SOX5: variants seen among roughly 807,000 people sequenced by gnomAD.
The protein encoded by SOX5 is SRY-box transcription factor 5, also known as transcription factor SOX-5.
Under a neutral mutation model 92.0 loss-of-function variants are expected in SOX5, and 9 were observed. The observed-to-expected ratio is 0.10, with a 90% CI of 0.06 to 0.17. The LOEUF is 0.17. Among genes scored for constraint, SOX5 ranks in the 10% least tolerant of loss-of-function variants. SOX5 has a pLI of 1.00. For missense variants in SOX5, 642 were observed against 944.5 expected (o/e 0.68, Z 4.20); for synonymous variants, 344 against 336.3 (o/e 1.02, Z -0.25).
At chr12:24,297,572 C>A (rs550846667) in intron 2 of SOX5, among the ~76,000 whole-genome samples, 13 of 152,350 alleles carry the variant, frequency 8.5e-5, no homozygotes, top group Admixed American at 3.3e-4. Flanking sequence ...TGAACAGATC[C>A]TCCATAGCTG....
chr12:23,901,108 G>C (rs906726634), intron 1 of SOX5, among the ~76,000 whole-genome samples: 3 of 152,142 alleles, frequency 2.0e-5, no homozygotes, highest in African/African-American at 7.2e-5. Context: ...AGATTATTCT[G>C]AATATTGTTG....
chr12:24,201,446 C>A (rs963799520), intron 4 of SOX5, among the ~76,000 whole-genome samples: 1 of 152,124 alleles, frequency 6.6e-6, no homozygotes, highest in Non-Finnish European at 1.5e-5. Flanking sequence ...CAAATGAATA[C>A]CCTGGTCTAC....
chr12:24,205,582 G>T (rs1399851311), intron 4 of SOX5, among the ~76,000 whole-genome samples: 1 of 152,172 alleles, frequency 6.6e-6, no homozygotes, highest in Non-Finnish European at 1.5e-5. Flanking sequence ...GAGAGAAATA[G>T]GAACCTTCCT....
chr12:23,592,149 G>A (rs1023668684), intron 9 of SOX5, among the ~76,000 whole-genome samples: 11 of 152,100 alleles, frequency 7.2e-5, no homozygotes, highest in African/African-American at 2.4e-4. Context: ...ATAATTTGCG[G>A]TTTCGTGAAA....
intron 1 of SOX5, among the ~76,000 whole-genome samples, chr12:24,406,339 C>T (rs1017420343): frequency 2.6e-5 from 4 of 152,060 alleles, no homozygotes; most frequent in Non-Finnish European, 2.9e-5. Context: ...GTGGGTCCAT[C>T]GGAGGGGCCA....
chr12:24,514,618 G>A (rs1949612900), intron 1 of SOX5, among the ~76,000 whole-genome samples: 1 of 152,142 alleles, frequency 6.6e-6, no homozygotes, highest in South Asian at 2.1e-4. Flanking sequence ...GTTCATTGCA[G>A]CACTATTCAC....
chr12:24,184,348 C>A (rs1434546575), intron 4 of SOX5, among the ~76,000 whole-genome samples: 2 of 152,060 alleles, frequency 1.3e-5, no homozygotes, highest in Admixed American at 1.3e-4. Context: ...ATGATAGAAT[C>A]ACTATTCAAA....
At chr12:23,996,555 C>T (rs1034179935) in intron 4 of SOX5, among the ~76,000 whole-genome samples, 1 of 152,024 alleles carries the variant, frequency 6.6e-6, no homozygotes, top group Admixed American at 6.6e-5. Flanking sequence ...TGAAAATAAC[C>T]CCAATATCCA....
At chr12:24,352,890 C>A (rs918081470) in intron 2 of SOX5, among the ~76,000 whole-genome samples, 4 of 152,058 alleles carry the variant, frequency 2.6e-5, no homozygotes, top group African/African-American at 9.7e-5. Context: ...TAAGTGTGCA[C>A]GGGCCTCACT....
intron 2 of SOX5, among the ~76,000 whole-genome samples, chr12:24,356,209 G>A (rs942611918): frequency 2.0e-5 from 3 of 152,092 alleles, no homozygotes; most frequent in Non-Finnish European, 2.9e-5. Context: ...CCAGTGAAAG[G>A]AAACACAGAG....
At chr12:23,557,150 G>A (rs1038610437) in intron 11 of SOX5, among the ~76,000 whole-genome samples, 1 of 152,110 alleles carries the variant, frequency 6.6e-6, no homozygotes, top group African/African-American at 2.4e-5. Flanking sequence ...GTTTCCAAGT[G>A]CCAGACAAAC....
intron 4 of SOX5, among the ~76,000 whole-genome samples, chr12:24,192,329 C>T (rs931819967): frequency 6.6e-6 from 1 of 152,040 alleles, no homozygotes; most frequent in African/African-American, 2.4e-5. Flanking sequence ...TATCATTTTT[C>T]TTGTTGTATA....
intron 5 of SOX5, among the ~76,000 whole-genome samples, chr12:23,735,518 C>G (rs935770997): frequency 8.5e-5 from 13 of 152,202 alleles, no homozygotes; most frequent in Middle Eastern, 6.8e-3. Flanking sequence ...ATGGCTCTTT[C>G]CAGCCATTAA....
intron 6 of SOX5, among the ~76,000 whole-genome samples, chr12:23,710,245 A>T (rs890086415): frequency 4.0e-5 from 6 of 151,348 alleles, no homozygotes; most frequent in Non-Finnish European, 5.9e-5. Context: ...TATGATATAT[A>T]TTTTTTTTAT....
intron 10 of SOX5, among the ~76,000 whole-genome samples, chr12:23,572,496 T>C (rs1948530039): frequency 6.6e-6 from 1 of 151,816 alleles, no homozygotes; most frequent in African/African-American, 2.4e-5. Flanking sequence ...GGGAAAGTCA[T>C]GATAAATGAC....
At chr12:24,357,954 A>G (rs113434604) in intron 2 of SOX5, among the ~76,000 whole-genome samples, 9 of 152,276 alleles carry the variant, frequency 5.9e-5, no homozygotes, top group African/African-American at 2.2e-4. Flanking sequence ...CTTTATTACA[A>G]TCCCTTGTTT....
At chr12:24,497,105 T>A (rs1488679152) in intron 1 of SOX5, among the ~76,000 whole-genome samples, 5 of 152,180 alleles carry the variant, frequency 3.3e-5, no homozygotes, top group Non-Finnish European at 7.4e-5. Flanking sequence ...AAGTTATAGG[T>A]CACTGTACAA....
chr12:24,280,654 G>A (rs1219921187), intron 2 of SOX5, among the ~76,000 whole-genome samples: 1 of 151,922 alleles, frequency 6.6e-6, no homozygotes, highest in East Asian at 1.9e-4. Context: ...GGAAACAAAG[G>A]GTATTTCATT....
chr12:23,549,476 C>G (rs567370476), intron 11 of SOX5, among the ~76,000 whole-genome samples: 20 of 152,062 alleles, frequency 1.3e-4, no homozygotes, highest in African/African-American at 4.1e-4. Context: ...TTCTGGAACA[C>G]AAATCCAGCA....
Sources: gnomAD v4.1 joint callset for allele counts (sites outside exome capture counted in the v4.1 genomes callset) on GRCh38, gnomAD v4.1.1 for gene constraint, MANE v1.5 for transcripts, NCBI Gene and HGNC (gene_info 2026-07-23, HGNC 2026-07-21) for gene names.